Variants in WNT2B observed in about 807,000 individuals in gnomAD.
WNT2B encodes the protein protein Wnt-2b.
WNT2B carries 19 observed loss-of-function variants against 40.5 expected under a neutral mutation model. The ratio of observed to expected loss-of-function variants is 0.47; its 90% CI spans 0.33 to 0.69. The LOEUF (loss-of-function observed/expected upper bound fraction) is 0.69. Ranked by LOEUF, WNT2B falls within the 30% of genes least tolerant of loss-of-function variation. The probability of loss-of-function intolerance (pLI) is 0.02; values close to 1 mark genes in which losing one functional copy is unlikely to be tolerated. For missense variants in WNT2B, 467 were observed against 556.4 expected (o/e 0.84, Z 1.62); for synonymous variants, 220 against 211.9 (o/e 1.04, Z -0.33).
chr1:112,509,055 C>T lies in WNT2B; in HGVS notation c.-208C>T, dbSNP rs1652236730. On this transcript the variant is annotated 5_prime_UTR_variant, in exon 1 of 5. Transcript: ENST00000369684. The surrounding 1 kb of genome is among the most constrained non-coding windows in gnomAD (Gnocchi z 4.2). ...AGCGCGCCCCAGACCCCGGGTTCGG[C>T]ACGCCGTCGTCGGCTTCCGGACATC... 2.2e-6 allele frequency: 3 copies of T among 1,356,364 alleles called. No individual in the cohort carries two copies. The highest frequency in any genetic ancestry group is 1.9e-6 in the Non-Finnish European group (2 of 1,064,034). The allele number at this position is 1,356,364 out of a possible 1,614,324, so 84.0% of individuals were successfully genotyped here.
chr1:112,497,743 G>A (rs1417139202), intron 1 of WNT2B, among the ~76,000 whole-genome samples: 1 of 152,098 alleles, frequency 6.6e-6, no homozygotes, highest in Non-Finnish European at 1.5e-5. Context: ...ACATGACGAG[G>A]CTGAGAATTT....
chr1:112,502,758 AG>A (rs1651998993), intron 1 of WNT2B, among the ~76,000 whole-genome samples: 1 of 152,208 alleles, frequency 6.6e-6, no homozygotes, highest in Non-Finnish European at 1.5e-5. Flanking sequence ...TTTCAGGAAC[AG>A]GAGGACGGCT....
chr1:112,514,477 G>C (rs1652458314), intron 1 of WNT2B, among the ~76,000 whole-genome samples: 6 of 152,192 alleles, frequency 3.9e-5, no homozygotes, highest in Admixed American at 3.9e-4. Flanking sequence ...GAGCATAAGA[G>C]TGTTGTCTCA....
chr1:112,525,896 C>G lies in WNT2B; in HGVS notation c.*5387C>G. 1 of 1,382,628 alleles carries G rather than the reference C, an allele frequency of 7.2e-7. No homozygotes were observed. The highest frequency in any genetic ancestry group is 1.4e-5 in the African/African-American group (1 of 69,470). 85.6% of individuals were successfully genotyped at this position (1,382,628 alleles called of 1,614,324 possible). A position where few individuals can be genotyped will look rare whatever the true frequency, so the allele number is the denominator to read the frequency against. Reference sequence around the variant, plus strand: ...AAGAAGCTTTTTCATATGCAAAATGCTTTAGCATATATGTAATCCTCACAA... The same window carrying G: ...AAGAAGCTTTTTCATATGCAAAATGGTTTAGCATATATGTAATCCTCACAA... On this transcript the variant is annotated 3_prime_UTR_variant, in exon 5 of 5. Coordinates refer to ENST00000369684, the MANE Select transcript of WNT2B (RefSeq NM_024494.3).
At chr1:112,472,275 C>G (rs754645101) in intron 1 of WNT2B, among the ~76,000 whole-genome samples, 13 of 152,092 alleles carry the variant, frequency 8.5e-5, no homozygotes, top group Non-Finnish European at 1.8e-4. Flanking sequence ...TGAGAGAGAT[C>G]ACCAGAGGAT....
intron 1 of WNT2B, among the ~76,000 whole-genome samples, chr1:112,494,038 G>A (rs1395185876): frequency 6.6e-6 from 1 of 152,044 alleles, no homozygotes; most frequent in Non-Finnish European, 1.5e-5. Context: ...GGCCAGGCGC[G>A]GTGGCTCATG....
At chr1:112,490,731 T>C (rs985470567) in intron 1 of WNT2B, among the ~76,000 whole-genome samples, 22 of 152,084 alleles carry the variant, frequency 1.4e-4, no homozygotes, top group Non-Finnish European at 7.4e-5. Flanking sequence ...CCTCGTGATC[T>C]GCCCACCTCA....
chr1:112,467,276 G>A (rs1430730480), exon 1 of WNT2B: 1 of 500,706 alleles, frequency 2.0e-6, no homozygotes, highest in African/African-American at 2.0e-5. Context: ...GAAAGGGCAT[G>A]GTCTGCCCAG....
Position 112,527,512 on chromosome 1 carries a change from G to C in WNT2B, c.*7003G>C, listed in dbSNP as rs1363704252. 3 of 152,790 alleles carry C rather than the reference G, an allele frequency of 2.0e-5. No homozygotes were observed. The highest frequency in any genetic ancestry group is 1.9e-4 in the East Asian group (1 of 5,198). The allele number at this position is 152,790 out of a possible 1,614,324, so 9.5% of individuals were successfully genotyped here. ...CACCAGATGGAGGGGATAAAAGTAC[G>C]AGGTCATGGCTTCTTGCAAGAGGCT... On this transcript the variant is annotated 3_prime_UTR_variant, in exon 5 of 5. Transcript: ENST00000369684.
chr1:112,467,732 G>A (rs376150301), intron 1 of WNT2B: 68 of 616,848 alleles, frequency 1.1e-4, no homozygotes, highest in African/African-American at 1.1e-3. Flanking sequence ...TGTTATACAC[G>A]TAGTATGTAT....
chr1:112,479,735 G>A (rs553697349), intron 1 of WNT2B, among the ~76,000 whole-genome samples: 23 of 151,824 alleles, frequency 1.5e-4, no homozygotes, highest in Non-Finnish European at 2.1e-4. Flanking sequence ...TTTTTGAGAC[G>A]GGGTCTCGCT....
At position 112,509,350 on chromosome 1, in the gene WNT2B, C is replaced by T. The variant is rs1432647054; in HGVS notation, c.88C>T (p.Pro30Ser). The T allele has an allele frequency of 3.8e-6, 6 of 1,594,268 alleles. No homozygotes were observed. The highest frequency in any genetic ancestry group is 4.2e-6 in the Non-Finnish European group (5 of 1,176,802). The change falls in exon 1 of 5, where the codon CCC (proline) becomes TCC (serine). Residue 30 changes from proline (P) to serine (S), a missense_variant. By Grantham distance (74) the Pro-to-Ser change is moderately conservative. Transcript: ENST00000369684. This position sits in a 1 kb window ranked among gnomAD's most constrained non-coding sequence, Gnocchi z 4.2. ...APVPVPSPAAPDGSRASARLG... is the reference protein window; with the variant it reads ...APVPVPSPAASDGSRASARLG... Reference sequence around the variant, plus strand: ...GGTCCCTGTGCCGTCGCCCGCGGCCCCCGACGGCTCCCGGGCTTCGGCCCG... The same window carrying T: ...GGTCCCTGTGCCGTCGCCCGCGGCCTCCGACGGCTCCCGGGCTTCGGCCCG...
At position 112,520,580 on chromosome 1, in the gene WNT2B, C is replaced by T; in HGVS notation, c.*71C>T. The T allele has an allele frequency of 6.9e-7, 1 of 1,442,094 alleles. No homozygotes were observed. Among genetic ancestry groups the T allele is most frequent in the Non-Finnish European group, 9.6e-7 (1 of 1,044,086 alleles). The allele number at this position is 1,442,094 out of a possible 1,614,324, so 89.3% of individuals were successfully genotyped here. A position where few individuals can be genotyped will look rare whatever the true frequency, so the allele number is the denominator to read the frequency against. On this transcript the variant is annotated 3_prime_UTR_variant, in exon 5 of 5. Transcript: ENST00000369684. The stretch of plus-strand genomic sequence containing the variant: ...CAAAAGCACAAGATCCTTGCATGCA[C>T]ACCTTCCTCCACCCTCCACCCTGGG...
At chr1:112,490,973 T>G (rs529862620) in intron 1 of WNT2B, 3 of 1,591,476 alleles carry the variant, frequency 1.9e-6, no homozygotes, top group Non-Finnish European at 2.6e-6. Context: ...ATAGCATTTA[T>G]TATGTTAAAT....
In WNT2B at chr1:112,468,601, T is replaced by C. The variant is rs1326637758; in HGVS notation, c.-95+1010T>C. On this transcript the variant is annotated intron_variant, in intron 1 of 4. Transcript: ENST00000256640. ...CCATTGGCCATTTGTCAGTCTTCAT[T>C]TGAGAAATGTCTATTCATGCCAGTT... 2.6e-5 allele frequency among the ~76,000 whole-genome samples: 4 copies of C among 152,200 alleles called. 1 individual carries two copies. Among genetic ancestry groups the C allele is most frequent in the Non-Finnish European group, 4.4e-5 (3 of 68,024 alleles).
intron 1 of WNT2B, chr1:112,467,739 G>T (rs1267502381): frequency 1.6e-6 from 1 of 606,124 alleles, no homozygotes; most frequent in Non-Finnish European, 3.0e-6. Flanking sequence ...CACGTAGTAT[G>T]TATAATGGTC....
At chr1:112,504,952 C>A (rs2101077245), upstream of WNT2B, among the ~76,000 whole-genome samples, 1 of 152,346 alleles carries the variant, frequency 6.6e-6, no homozygotes, top group Middle Eastern at 3.4e-3. Context: ...CTTAGCTCAT[C>A]TCCCCTCCCA....
At chr1:112,472,031 G>A (rs1650895886) in intron 1 of WNT2B, among the ~76,000 whole-genome samples, 2 of 152,120 alleles carry the variant, frequency 1.3e-5, no homozygotes, top group African/African-American at 4.8e-5. Context: ...TCAAAATAGA[G>A]TAACAGGAAC....
chr1:112,493,217 G>C (rs1411275878), intron 1 of WNT2B, among the ~76,000 whole-genome samples: 1 of 152,178 alleles, frequency 6.6e-6, no homozygotes, highest in Non-Finnish European at 1.5e-5. Flanking sequence ...TAGAGATCCT[G>C]CTCCATCAAT....
Sources: allele counts gnomAD v4.1 joint callset (sites outside exome capture counted in the v4.1 genomes callset), GRCh38; gene constraint gnomAD v4.1.1; non-coding constraint Gnocchi (gnomAD v3.1); transcripts MANE v1.5; gene names NCBI Gene and HGNC (gene_info 2026-07-23, HGNC 2026-07-21).